Variants in SLC24A3 observed in about 807,000 individuals in gnomAD.
SLC24A3 encodes the protein sodium/potassium/calcium exchanger 3.
Under a neutral mutation model 75.8 loss-of-function variants are expected in SLC24A3, and 28 were observed. That is an observed-to-expected ratio of 0.37 (90% confidence interval 0.27 to 0.51). The LOEUF (loss-of-function observed/expected upper bound fraction) is 0.51. SLC24A3 is among the 20% of genes least tolerant of loss of function. SLC24A3 has a pLI of 0.94. For synonymous variants in SLC24A3, 372 were observed against 334.1 expected (o/e 1.11, Z -1.24); for missense variants, 663 against 847.8 (o/e 0.78, Z 2.71).
rs544773620 is a variant in SLC24A3 at position 19,449,447 on chromosome 20, C to T, written c.272-66041C>T. ...GACACACATTTCCAGGAAGATCAAC[C>T]TGACAGAGTCCTAGGCTGGGGCTTG... On this transcript the variant is annotated intron_variant, in intron 2 of 16. Transcript: ENST00000328041. 1.4e-4 allele frequency among the ~76,000 whole-genome samples: 22 copies of T among 152,334 alleles called. No individual in the cohort carries two copies. The South Asian group carries it at 4.6e-3, about 32-fold the overall frequency.
intron 2 of SLC24A3, among the ~76,000 whole-genome samples, chr20:19,462,041 T>TC (rs1044992652): frequency 6.6e-6 from 1 of 152,104 alleles, no homozygotes; most frequent in African/African-American, 2.4e-5. Flanking sequence ...GTTCAGGGAG[T>TC]CCGTGTACAG....
intron 2 of SLC24A3, among the ~76,000 whole-genome samples, chr20:19,460,843 A>T (rs1159794978): frequency 6.6e-6 from 1 of 152,190 alleles, no homozygotes; most frequent in Non-Finnish European, 1.5e-5. Context: ...ACAGGAAAAA[A>T]AGAAAATAGA....
intron 2 of SLC24A3, among the ~76,000 whole-genome samples, chr20:19,374,808 T>C (rs949443889): frequency 2.4e-4 from 37 of 152,288 alleles, no homozygotes; most frequent in African/African-American, 8.9e-4. Flanking sequence ...TGCATTCTTT[T>C]GTCAAAGGCC....
At chr20:19,544,991 G>A (rs1461251921) in intron 3 of SLC24A3, among the ~76,000 whole-genome samples, 5 of 152,146 alleles carry the variant, frequency 3.3e-5, no homozygotes, top group African/African-American at 9.7e-5. Flanking sequence ...CCAGATCCAA[G>A]GATTAAGGAA....
intron 3 of SLC24A3, among the ~76,000 whole-genome samples, chr20:19,562,379 A>T (rs990740672): frequency 6.6e-6 from 1 of 152,156 alleles, no homozygotes; most frequent in Non-Finnish European, 1.5e-5. Flanking sequence ...CAAGAAGGAC[A>T]TACTGAGACC....
intron 2 of SLC24A3, among the ~76,000 whole-genome samples, chr20:19,468,715 G>C (rs1164555950): frequency 6.6e-6 from 1 of 152,190 alleles, no homozygotes. Context: ...GCTAGCTCAG[G>C]CTTGTTGTCT....
At chr20:19,248,366 T>TA (rs1248254480) in intron 1 of SLC24A3, among the ~76,000 whole-genome samples, 11 of 152,154 alleles carry the variant, frequency 7.2e-5, no homozygotes, top group South Asian at 2.1e-4. Context: ...AAATAATTAA[T>TA]AAAAAAATGA....
At chr20:19,525,910 C>T (rs2030191066) in intron 3 of SLC24A3, among the ~76,000 whole-genome samples, 1 of 152,160 alleles carries the variant, frequency 6.6e-6, no homozygotes, top group Non-Finnish European at 1.5e-5. Context: ...CACGAGGGTC[C>T]TCTGGGAGTC....
chr20:19,363,401 A>T (rs1398776221), intron 2 of SLC24A3, among the ~76,000 whole-genome samples: 1 of 152,246 alleles, frequency 6.6e-6, no homozygotes, highest in Non-Finnish European at 1.5e-5. Context: ...TCTAAGTTCT[A>T]ATGAAGACTT....
chr20:19,472,367 T>C (rs916471515), intron 2 of SLC24A3, among the ~76,000 whole-genome samples: 2 of 152,260 alleles, frequency 1.3e-5, no homozygotes, highest in African/African-American at 4.8e-5. Flanking sequence ...GTCTATGTAA[T>C]GGCCTTCTTT....
intron 2 of SLC24A3, among the ~76,000 whole-genome samples, chr20:19,459,801 A>C (rs4622803): frequency 6.6e-6 from 1 of 151,938 alleles, no homozygotes; most frequent in Non-Finnish European, 1.5e-5. Context: ...GGTATCACTC[A>C]ATCACCTCCC....
At chr20:19,220,455 G>A (rs1280022555) in intron 1 of SLC24A3, among the ~76,000 whole-genome samples, 1 of 152,208 alleles carries the variant, frequency 6.6e-6, no homozygotes, top group Non-Finnish European at 1.5e-5. Context: ...AAAGGAGCAG[G>A]TTTCTTGATT....
At chr20:19,583,594 T>C (rs942223898) in intron 4 of SLC24A3, among the ~76,000 whole-genome samples, 1 of 151,946 alleles carries the variant, frequency 6.6e-6, no homozygotes, top group Non-Finnish European at 1.5e-5. Context: ...ACTGGCTGGA[T>C]GAAGGAGAGA....
At chr20:19,660,166 G>A (rs904112027) in intron 7 of SLC24A3, among the ~76,000 whole-genome samples, 2 of 152,080 alleles carry the variant, frequency 1.3e-5, no homozygotes, top group East Asian at 1.9e-4. Context: ...TTTGAGGTAC[G>A]TGTGGTTTTT....
At chr20:19,435,565 G>A (rs866156028) in intron 2 of SLC24A3, among the ~76,000 whole-genome samples, 13 of 152,292 alleles carry the variant, frequency 8.5e-5, no homozygotes, top group African/African-American at 3.1e-4. Context: ...ACAGTTAGGG[G>A]TATCCCAGGG....
At chr20:19,663,222 T>C (rs961009940) in intron 7 of SLC24A3, among the ~76,000 whole-genome samples, 44 of 152,012 alleles carry the variant, frequency 2.9e-4, no homozygotes, top group African/African-American at 1.0e-3. Flanking sequence ...CATGAGCCAC[T>C]GTGCCAAGCC....
intron 2 of SLC24A3, among the ~76,000 whole-genome samples, chr20:19,482,739 A>ATAT (rs1389059509): frequency 6.6e-6 from 1 of 152,184 alleles, no homozygotes; most frequent in African/African-American, 2.4e-5. Flanking sequence ...CCTTGCTGAA[A>ATAT]TATTCTGGAC....
chr20:19,492,153 A>G (rs1988218530), intron 2 of SLC24A3, among the ~76,000 whole-genome samples: 1 of 152,182 alleles, frequency 6.6e-6, no homozygotes, highest in Non-Finnish European at 1.5e-5. Flanking sequence ...CAAGTATTTC[A>G]AACAGAGCTT....
intron 2 of SLC24A3, among the ~76,000 whole-genome samples, chr20:19,369,891 C>T (rs1248770569): frequency 3.9e-5 from 6 of 152,060 alleles, no homozygotes; most frequent in Non-Finnish European, 8.8e-5. Context: ...TGGTCTCTAA[C>T]TTCTGGGCTC....
Sources: allele counts gnomAD v4.1 joint callset (sites outside exome capture counted in the v4.1 genomes callset), GRCh38; gene constraint gnomAD v4.1.1; transcripts MANE v1.5; gene names NCBI Gene and HGNC (gene_info 2026-07-23, HGNC 2026-07-21).